PCDH7: variants seen among roughly 807,000 people sequenced by gnomAD.
PCDH7 encodes protocadherin-7.
Under a neutral mutation model 58.9 loss-of-function variants are expected in PCDH7, and 17 were observed. The observed-to-expected ratio is 0.29, with a 90% CI of 0.20 to 0.43. The LOEUF is 0.43. PCDH7 is among the 20% of genes least tolerant of loss of function. PCDH7 has a pLI of 1.00. For missense variants in PCDH7, 1,274 were observed against 1,441.0 expected, an observed-to-expected ratio of 0.88 and a Z score of 1.88; for synonymous variants, 664 against 616.4, an observed-to-expected ratio of 1.08 and a Z score of -1.14.
At chr4:31,076,185 C>G (rs1426575805) in intron 3 of PCDH7, among the ~76,000 whole-genome samples, 2 of 152,126 alleles carry the variant, frequency 1.3e-5, no homozygotes, top group African/African-American at 4.8e-5. Context: ...TGTTCTGACA[C>G]AGTAATGTCT....
chr4:31,012,356 C>A, intron 3 of PCDH7, among the ~76,000 whole-genome samples: 1 of 139,418 alleles, frequency 7.2e-6, no homozygotes, highest in South Asian at 2.7e-4. Flanking sequence ...AATTTATCCT[C>A]TGACTACTAA....
downstream of PCDH7, chr4:31,143,893 A>G (rs1200763332): frequency 1.3e-5 from 2 of 152,178 alleles, no homozygotes; most frequent in African/African-American, 4.8e-5. Context: ...AGTGAGATAT[A>G]TTTTTGGTAT....
chr4:30,992,828 T>G (rs1289678559), intron 3 of PCDH7, among the ~76,000 whole-genome samples: 1 of 145,774 alleles, frequency 6.9e-6, no homozygotes, highest in Admixed American at 6.9e-5. Flanking sequence ...TGACGGAGTC[T>G]TGCTCTGTCG....
intron 1 of PCDH7, among the ~76,000 whole-genome samples, chr4:30,822,829 G>A (rs1382082032): frequency 6.6e-6 from 1 of 152,122 alleles, no homozygotes; most frequent in Non-Finnish European, 1.5e-5. Context: ...CAGTTTACTA[G>A]TGGTAACAGA....
chr4:31,017,318 T>C (rs1753694387), intron 3 of PCDH7, among the ~76,000 whole-genome samples: 1 of 152,130 alleles, frequency 6.6e-6, no homozygotes, highest in Admixed American at 6.6e-5. Context: ...TAAAAAATAA[T>C]TTACATCCAT....
chr4:30,979,882 C>T (rs1750402233), intron 3 of PCDH7, among the ~76,000 whole-genome samples: 1 of 152,074 alleles, frequency 6.6e-6, no homozygotes, highest in Non-Finnish European at 1.5e-5. Context: ...TACCAACTAG[C>T]AAATTTTTGT....
chr4:31,009,710 AT>A, intron 3 of PCDH7, among the ~76,000 whole-genome samples: 1 of 152,024 alleles, frequency 6.6e-6, no homozygotes, highest in East Asian at 1.9e-4. Context: ...CAGGAAATTT[AT>A]TTTGGGCTGA....
intron 3 of PCDH7, among the ~76,000 whole-genome samples, chr4:31,077,980 A>G (rs1181825539): frequency 6.6e-6 from 1 of 152,148 alleles, no homozygotes; most frequent in Non-Finnish European, 1.5e-5. Context: ...GTTAAAGGAA[A>G]CAGGAATATT....
chr4:31,051,426 A>G (rs578202246), intron 3 of PCDH7, among the ~76,000 whole-genome samples: 1 of 152,202 alleles, frequency 6.6e-6, no homozygotes, highest in Non-Finnish European at 1.5e-5. Context: ...TATAGGATAC[A>G]GTGACTTACT....
intron 2 of PCDH7, among the ~76,000 whole-genome samples, chr4:30,938,907 C>G (rs1745692351): frequency 6.6e-6 from 1 of 152,012 alleles, no homozygotes; most frequent in African/African-American, 2.4e-5. Context: ...CTTCTAATGC[C>G]TTTTTCCCCT....
In PCDH7 at chr4:30,840,776, G is replaced by T. The variant is rs1578006883; in HGVS notation, c.71-79377G>T. Among the ~76,000 whole-genome samples, 3 of 152,210 alleles carry T rather than the reference G, an allele frequency of 2.0e-5. No homozygotes were observed. In the South Asian group the frequency reaches 6.2e-4, roughly 32 times the overall value. On this transcript the variant is annotated intron_variant, in intron 1 of 3. Coordinates refer to the PCDH7 transcript ENST00000509759. ...ACAAAAGCCTCCCAGTGTAGACCCA[G>T]CCATCTGCATATAGTTCACAGAACT...
chr4:30,722,036 C>G lies in PCDH7; in HGVS notation c.614C>G (p.Pro205Arg), dbSNP rs1252883035. The G allele has an allele frequency of 1.6e-6, 2 of 1,248,884 alleles. No individual in the cohort carries two copies. Among genetic ancestry groups the G allele is most frequent in the East Asian group, 3.2e-5 (1 of 31,414 alleles). The allele number at this position is 1,248,884 out of a possible 1,614,324, so 77.4% of individuals were successfully genotyped here. A position where few individuals can be genotyped will look rare whatever the true frequency, so the allele number is the denominator to read the frequency against. ...CGCGCCGGGGCGGCCGACAGCGCCC[C>G]CTACCCCGGGGGCGGCGGGAACGGC... is the stretch of plus-strand genomic sequence containing the variant. Residue 205 changes from proline (P) to arginine (R), a missense_variant, in exon 1 of 2, where the codon CCC (proline) becomes CGC (arginine). Pro to Arg is a moderately radical substitution (Grantham distance 103). Transcript: ENST00000361762. The surrounding 1 kb of genome is among the most constrained non-coding windows in gnomAD (Gnocchi z 7.6).
chr4:30,815,329 C>A (rs7356527), intron 1 of PCDH7, among the ~76,000 whole-genome samples: 2 of 151,816 alleles, frequency 1.3e-5, no homozygotes, highest in South Asian at 4.2e-4. Context: ...GGGGAGAGAC[C>A]GAAATGAGTT....
chr4:30,921,577 TATG>T (rs1743193287), intron 2 of PCDH7, among the ~76,000 whole-genome samples: 1 of 152,068 alleles, frequency 6.6e-6, no homozygotes, highest in African/African-American at 2.4e-5. Context: ...GTTAAGAAAA[TATG>T]ATATCAGGGT....
chr4:31,099,565 T>C (rs1490723546), intron 3 of PCDH7, among the ~76,000 whole-genome samples: 1 of 152,178 alleles, frequency 6.6e-6, no homozygotes, highest in African/African-American at 2.4e-5. Flanking sequence ...AAATATGGCA[T>C]ATGTAGTTTA....
intron 3 of PCDH7, among the ~76,000 whole-genome samples, chr4:31,051,296 T>C (rs1048131749): frequency 4.6e-5 from 7 of 152,248 alleles, no homozygotes; most frequent in African/African-American, 1.7e-4. Flanking sequence ...ACAGAGACCA[T>C]ATCCCCTGCA....
chr4:30,761,157 G>A (rs1030778786), intron 1 of PCDH7, among the ~76,000 whole-genome samples: 6 of 152,150 alleles, frequency 3.9e-5, no homozygotes, highest in Non-Finnish European at 7.3e-5. Context: ...ATGAGGATGG[G>A]TTCTTGGCAG....
At chr4:31,105,173 T>A (rs1435743643) in intron 3 of PCDH7, among the ~76,000 whole-genome samples, 1 of 152,230 alleles carries the variant, frequency 6.6e-6, no homozygotes, top group Admixed American at 6.5e-5. Flanking sequence ...ATAATTGTCA[T>A]ACTTCATTTA....
intron 3 of PCDH7, among the ~76,000 whole-genome samples, chr4:31,116,582 C>T (rs1717010395): frequency 6.6e-6 from 1 of 152,124 alleles, no homozygotes; most frequent in South Asian, 2.1e-4. Flanking sequence ...CAGATCATAG[C>T]GACTTTGTTA....
Sources: gnomAD v4.1 joint callset for allele counts (sites outside exome capture counted in the v4.1 genomes callset) on GRCh38, gnomAD v4.1.1 for gene constraint, Gnocchi (gnomAD v3.1) non-coding constraint, MANE v1.5 for transcripts, NCBI Gene and HGNC (gene_info 2026-07-23, HGNC 2026-07-21) for gene names.